PTPN2: variants seen among roughly 807,000 people sequenced by gnomAD.
PTPN2 encodes the protein tyrosine-protein phosphatase non-receptor type 2.
Under a neutral mutation model 57.3 loss-of-function variants are expected in PTPN2, and 19 were observed. The observed-to-expected ratio is 0.33, with a 90% confidence interval of 0.23 to 0.49. PTPN2 has a LOEUF of 0.49. Ranked by LOEUF, PTPN2 falls within the 20% of genes least tolerant of loss-of-function variation. The probability of loss-of-function intolerance (pLI) is 0.99; values close to 1 mark genes in which losing one functional copy is unlikely to be tolerated. For synonymous variants in PTPN2, 153 were observed against 164.9 expected (o/e 0.93, Z 0.55); for missense variants, 358 against 501.1 (o/e 0.71, Z 2.73).
intron 7 of PTPN2, among the ~76,000 whole-genome samples, chr18:12,805,755 G>A (rs569455443): frequency 5.9e-4 from 88 of 150,200 alleles, no homozygotes; most frequent in African/African-American, 2.0e-3. Context: ...TCAGCCTCCC[G>A]AGTAGCTGGG....
chr18:12,877,757 A>G (rs1050086562), intron 1 of PTPN2, among the ~76,000 whole-genome samples: 4 of 152,244 alleles, frequency 2.6e-5, no homozygotes, highest in African/African-American at 9.6e-5. Context: ...CATGCCTATA[A>G]TCCCAGCACT....
chr18:12,870,342 CATATATATGTGT>C lies in PTPN2; in HGVS notation c.70-11100_70-11089del, dbSNP rs1337632955. ...ATGTGTATATATATGTATATATATA[CATATATATGTGT>C]ATATATATGTGTATATATACATATA... is the stretch of plus-strand genomic sequence containing the variant. On this transcript the variant is annotated intron_variant, in intron 1 of 8. Coordinates refer to ENST00000309660, the MANE Select transcript of PTPN2 (RefSeq NM_002828.4). Among the ~76,000 whole-genome samples the C allele has an allele frequency of 4.3e-4, 14 of 32,702 alleles. 3 individuals carry two copies. Among genetic ancestry groups the C allele is most frequent in the East Asian group, 3.1e-3 (2 of 636 alleles). 21.5% of individuals were successfully genotyped at this position (32,702 alleles called of 152,430 possible).
chr18:12,795,573 G>A (rs2041146353), intron 8 of PTPN2, among the ~76,000 whole-genome samples: 1 of 152,158 alleles, frequency 6.6e-6, no homozygotes, highest in Non-Finnish European at 1.5e-5. Context: ...GGGATTACAG[G>A]CATGAGCCAC....
intron 3 of PTPN2, 77 bp from the exon 4 acceptor site, chr18:12,831,118 C>G (rs1325097038): frequency 1.0e-6 from 1 of 984,442 alleles, no homozygotes; most frequent in East Asian, 2.5e-5. Context: ...CTTGTTAAGT[C>G]TGCTCCTGGG....
intron 7 of PTPN2, among the ~76,000 whole-genome samples, chr18:12,812,812 A>G (rs1019075171): frequency 1.3e-5 from 2 of 152,152 alleles, no homozygotes; most frequent in Non-Finnish European, 2.9e-5. Context: ...CCAATATCCT[A>G]TCTGGAATAG....
At chr18:12,874,062 G>A (rs1456248020) in intron 1 of PTPN2, among the ~76,000 whole-genome samples, 103 of 151,088 alleles carry the variant, frequency 6.8e-4, no homozygotes, top group African/African-American at 2.4e-3. Flanking sequence ...CAGCCGCCCC[G>A]TCTGAGAAGT....
chr18:12,824,402 A>G (rs1193718685), intron 5 of PTPN2, among the ~76,000 whole-genome samples: 15 of 152,184 alleles, frequency 9.9e-5, no homozygotes, highest in Admixed American at 9.8e-4. Context: ...CAAGGGATCC[A>G]CCATAAAAGG....
At chr18:12,815,462 C>T (rs570182105) in intron 6 of PTPN2, among the ~76,000 whole-genome samples, 3 of 151,726 alleles carry the variant, frequency 2.0e-5, no homozygotes, top group South Asian at 2.1e-4. Context: ...TGAAGAAAGA[C>T]GGTGGAAAAG....
At chr18:12,811,960 A>C (rs1318545994) in intron 7 of PTPN2, among the ~76,000 whole-genome samples, 1 of 152,248 alleles carries the variant, frequency 6.6e-6, no homozygotes, top group Non-Finnish European at 1.5e-5. Flanking sequence ...AGCTTTAAGC[A>C]ATGCAATTAA....
intron 1 of PTPN2, among the ~76,000 whole-genome samples, chr18:12,867,099 C>T (rs971464683): frequency 1.3e-5 from 2 of 149,560 alleles, no homozygotes; most frequent in Non-Finnish European, 3.0e-5. Flanking sequence ...TCAAGACCAG[C>T]CTGGGCAACA....
chr18:12,834,479 T>C (rs1273263819), intron 3 of PTPN2, among the ~76,000 whole-genome samples: 5 of 152,244 alleles, frequency 3.3e-5, no homozygotes, highest in Non-Finnish European at 7.3e-5. Context: ...TTTTTAACTG[T>C]TATTATTTCC....
chr18:12,830,845 C>T (rs531091869), intron 4 of PTPN2, 98 bp downstream of exon 4: 3 of 934,222 alleles, frequency 3.2e-6, no homozygotes, highest in East Asian at 5.5e-5. Flanking sequence ...CAATTAAAGG[C>T]CAAAACTAAG....
chr18:12,808,496 G>C (rs2041772242), intron 7 of PTPN2, among the ~76,000 whole-genome samples: 1 of 152,138 alleles, frequency 6.6e-6, no homozygotes, highest in African/African-American at 2.4e-5. Context: ...TAAAAACAAA[G>C]GCCGGGGCAT....
chr18:12,883,217 C>A (rs1335479685), intron 1 of PTPN2, among the ~76,000 whole-genome samples: 1 of 152,182 alleles, frequency 6.6e-6, no homozygotes, highest in African/African-American at 2.4e-5. Context: ...CGTCTGGGAG[C>A]ACACATGAAA....
chr18:12,817,934 A>G (rs2042133667), intron 5 of PTPN2, among the ~76,000 whole-genome samples: 1 of 152,162 alleles, frequency 6.6e-6, no homozygotes, highest in Non-Finnish European at 1.5e-5. Flanking sequence ...TGAGGTCAGG[A>G]GTTCGAGACC....
intron 3 of PTPN2, among the ~76,000 whole-genome samples, chr18:12,832,818 T>C (rs1454765498): frequency 2.0e-5 from 3 of 152,174 alleles, no homozygotes; most frequent in Admixed American, 6.5e-5. Context: ...GCTGGAGTCT[T>C]GCTCTGTTGC....
In PTPN2 at chr18:12,792,673, C is replaced by G. The variant is rs933958923; in HGVS notation, c.*1605G>C. The stretch of plus-strand genomic sequence containing the variant: ...TGACGTGATCTCAGCTCACTGCAAC[C>G]TCCATCTCCTGGGTTCAAGCAATTC... On this transcript the variant is annotated 3_prime_UTR_variant, in exon 9 of 9. Transcript: ENST00000309660. 1 of 153,524 alleles carries G rather than the reference C, an allele frequency of 6.5e-6. No individual in the cohort carries two copies. Among genetic ancestry groups the G allele is most frequent in the African/African-American group, 2.4e-5 (1 of 41,466 alleles). The allele number at this position is 153,524 out of a possible 1,614,324, so 9.5% of individuals were successfully genotyped here.
intron 1 of PTPN2, among the ~76,000 whole-genome samples, chr18:12,882,310 G>A (rs563976810): frequency 6.6e-6 from 1 of 152,320 alleles, no homozygotes; most frequent in South Asian, 2.1e-4. Flanking sequence ...GAAACTACAG[G>A]ATTCCTCGGT....
chr18:12,809,762 AATATGGT>A (rs2041827082), intron 7 of PTPN2, among the ~76,000 whole-genome samples: 1 of 152,240 alleles, frequency 6.6e-6, no homozygotes, highest in East Asian at 1.9e-4. Flanking sequence ...ACTCTTGTGC[AATATGGT>A]ACTGTTAAAA....
Sources: gnomAD v4.1 joint callset for allele counts (sites outside exome capture counted in the v4.1 genomes callset) on GRCh38, gnomAD v4.1.1 for gene constraint, MANE v1.5 for transcripts, NCBI Gene and HGNC (gene_info 2026-07-23, HGNC 2026-07-21) for gene names.